CABP2: variants seen among roughly 807,000 people sequenced by gnomAD.
CABP2 encodes the protein calcium-binding protein 2.
Under a neutral mutation model 28.6 loss-of-function variants are expected in CABP2, and 25 were observed. That is an observed-to-expected ratio of 0.87 (90% CI 0.64 to 1.22). The LOEUF (loss-of-function observed/expected upper bound fraction) is 1.22. Ranked by LOEUF, CABP2 falls within the 50% of genes most tolerant of loss-of-function variation. CABP2 has a pLI of 0.00. For synonymous variants in CABP2, 138 were observed against 126.0 expected (o/e 1.09, Z -0.64); for missense variants, 310 against 312.2 (o/e 0.99, Z 0.05).
In CABP2 at chr11:67,519,058, C is replaced by T. The variant is rs556000947; in HGVS notation, c.*81G>A. 1.7e-5 allele frequency: 26 copies of T among 1,504,922 alleles called. No individual in the cohort carries two copies. In the South Asian group the frequency reaches 1.8e-4, roughly 10 times the overall value. 93.2% of individuals were successfully genotyped at this position (1,504,922 alleles called of 1,614,324 possible). A position where few individuals can be genotyped will look rare whatever the true frequency, so the allele number is the denominator to read the frequency against. On this transcript the variant is annotated 3_prime_UTR_variant, in exon 7 of 7. Transcript: ENST00000294288. ...AGGAAAGGAGGGTCCCCGCTAGAGG[C>T]GATGGGCTTCAAGGAACATGCTGGT...
rs1159901207 is a variant in CABP2, at chr11:67,522,054, G to A, written c.214-72C>T. On this transcript the variant is annotated intron_variant, in intron 2 of 6. Transcript: ENST00000294288. ...TGTGCCCTTCCTTCTTGCTTCCCGGGGCTCCCCACCCAGCCCCACAATCCA... is the reference window on the plus strand; with the variant it reads ...TGTGCCCTTCCTTCTTGCTTCCCGGAGCTCCCCACCCAGCCCCACAATCCA... 5.0e-6 allele frequency: 7 copies of A among 1,412,828 alleles called. No individual in the cohort carries two copies. The Admixed American group carries it at 1.3e-4, about 26-fold the overall frequency. 87.5% of individuals were successfully genotyped at this position (1,412,828 alleles called of 1,614,324 possible).
At chr11:67,521,340 A>G (rs1222754323) in intron 3 of CABP2, among the ~76,000 whole-genome samples, 181 bp from the exon 4 acceptor site, 1 of 152,186 alleles carries the variant, frequency 6.6e-6, no homozygotes, top group Non-Finnish European at 1.5e-5. Context: ...TTTGAGGAGC[A>G]TCTACTATGT....
chr11:67,522,693 G>C lies in CABP2; in HGVS notation c.66C>G (p.Ser22=). 1 of 1,515,598 alleles carries C rather than the reference G, an allele frequency of 6.6e-7. No individual in the cohort carries two copies. The highest frequency in any genetic ancestry group is 8.9e-7 in the Non-Finnish European group (1 of 1,127,984). 93.9% of individuals were successfully genotyped at this position (1,515,598 alleles called of 1,614,324 possible). A position where few individuals can be genotyped will look rare whatever the true frequency, so the allele number is the denominator to read the frequency against. The change falls in exon 2 of 7, where the codon TCC becomes TCG. Residue 22 remains serine, a synonymous_variant. Coordinates refer to ENST00000294288, the MANE Select transcript of CABP2 (RefSeq NM_016366.3). ...GGCTGGGGCAGGAGCCCCTTGGTGG[G>C]GAGCCGAGCCACTGCAAGGGGTCCT... The part of the protein sequence containing the change: ...GPKDPLQWLG[S]PPRGSCPSPS...
chr11:67,523,216 C>T (rs1866777123), intron 1 of CABP2, 69 bp downstream of exon 1: 7 of 1,285,122 alleles, frequency 5.4e-6, no homozygotes, highest in Non-Finnish European at 7.7e-6. Flanking sequence ...GAGGGCTCTG[C>T]CCATCCCATC....
intron 3 of CABP2, 82 bp downstream of exon 3, chr11:67,521,870 G>GGGCCC: frequency 1.9e-5 from 9 of 470,088 alleles, no homozygotes; most frequent in Non-Finnish European, 3.1e-5. Flanking sequence ...CCCACCCGAT[G>GGGCCC]CCCCCCCAAC....
rs921879161 is a variant in CABP2, at chr11:67,522,542, A to C, written c.213+4T>G. 4 of 1,553,908 alleles carry C rather than the reference A, an allele frequency of 2.6e-6. No individual in the cohort carries two copies. The highest frequency in any genetic ancestry group is 1.7e-4 in the Middle Eastern group (1 of 5,978). On this transcript the variant is annotated splice_donor_region_variant and intron_variant, in intron 2 of 6. Coordinates refer to ENST00000294288, the MANE Select transcript of CABP2 (RefSeq NM_016366.3). ...CAGGCTGGCGGGCGGGTGGCCGTAC[A>C]TACGAGTTGGGTGGCGGCAATGCTG...
At chr11:67,520,841 C>T (rs555498328) in intron 4 of CABP2, among the ~76,000 whole-genome samples, 184 bp downstream of exon 4, 13 of 152,336 alleles carry the variant, frequency 8.5e-5, no homozygotes, top group Non-Finnish European at 1.8e-4. Flanking sequence ...ACAGTCCTTG[C>T]TGTGCCCACC....
At position 67,519,155 on chromosome 11, in the gene CABP2, C is replaced by G; in HGVS notation, c.647G>C (p.Arg216Pro). ...TGTACAGGCTCACCGAGACATCATT[C>G]GCACAAACTCTGCCAGGACGAAGCC... ...DGLVDFEEFV[R>P]MMSR The change falls in exon 7 of 7, where the codon CGA (arginine) becomes CCA (proline). Residue 216 changes from arginine to proline, a missense_variant. Transcript: ENST00000294288. The G allele has an allele frequency of 1.2e-6, 2 of 1,614,048 alleles. No individual in the cohort carries two copies. Among genetic ancestry groups the G allele is most frequent in the Non-Finnish European group, 1.7e-6 (2 of 1,180,022 alleles).
Position 67,522,535 on chromosome 11 carries a change from G to A in CABP2, c.213+11C>T. The A allele has an allele frequency of 4.5e-6, 7 of 1,553,390 alleles. No homozygotes were observed. Among genetic ancestry groups the A allele is most frequent in the Non-Finnish European group, 5.2e-6 (6 of 1,148,150 alleles). On this transcript the variant is annotated intron_variant, in intron 2 of 6. Transcript: ENST00000294288. ...GGGCAGGCAGGCTGGCGGGCGGGTG[G>A]CCGTACATACGAGTTGGGTGGCGGC...
chr11:67,520,967 A>T, intron 4 of CABP2, 58 bp downstream of exon 4: 1 of 1,580,816 alleles, frequency 6.3e-7, no homozygotes, highest in Non-Finnish European at 8.6e-7. Context: ...GCTTGGCTTC[A>T]TGGGCCCAGC....
chr11:67,521,866 C>CCGG, intron 3 of CABP2, 86 bp downstream of exon 3: 1 of 656,270 alleles, frequency 1.5e-6, no homozygotes, highest in African/African-American at 1.8e-5. Context: ...GGCCCCCACC[C>CCGG]GATGCCCCCC....
chr11:67,519,829 C>T lies in CABP2; in HGVS notation c.601G>A (p.Val201Met), dbSNP rs1176836668. Reference protein sequence around the residue: ...QREVDEILQDVDLNGDGLVDF... With the variant: ...QREVDEILQDMDLNGDGLVDF... ...ACCAGACCGTCCCCATTGAGGTCCA[C>T]GTCCTGGAGGATCTCGTCCACCTCC... The change falls in exon 6 of 7, where the codon GTG becomes ATG. Residue 201 changes from valine to methionine, a missense_variant. Physicochemically the swap from Val to Met is conservative, Grantham distance 21 (BLOSUM62 1). Coordinates refer to ENST00000294288, the MANE Select transcript of CABP2 (RefSeq NM_016366.3). The T allele has an allele frequency of 1.9e-6, 3 of 1,614,084 alleles. No individual in the cohort carries two copies. The highest frequency in any genetic ancestry group is 3.3e-5 in the Admixed American group (2 of 60,018).
At position 67,523,370 on chromosome 11, in the gene CABP2, G is replaced by C. The variant is rs1308227894; in HGVS notation, c.-44C>G. The C allele has an allele frequency of 2.6e-6, 4 of 1,528,412 alleles. No individual in the cohort carries two copies. Among genetic ancestry groups the C allele is most frequent in the Non-Finnish European group, 2.6e-6 (3 of 1,135,122 alleles). 94.7% of individuals were successfully genotyped at this position (1,528,412 alleles called of 1,614,324 possible). A position where few individuals can be genotyped will look rare whatever the true frequency, so the allele number is the denominator to read the frequency against. On this transcript the variant is annotated 5_prime_UTR_variant, in exon 1 of 7. Transcript: ENST00000294288. ...GGCCTGGAACCCCGGGGGTGGCCCGGGTGGGCCTCGGCGGATGCTGCTGCC... is the reference window on the plus strand; with the variant it reads ...GGCCTGGAACCCCGGGGGTGGCCCGCGTGGGCCTCGGCGGATGCTGCTGCC...
At chr11:67,523,042 A>C (rs1370763119) in intron 1 of CABP2, among the ~76,000 whole-genome samples, 1 of 152,208 alleles carries the variant, frequency 6.6e-6, no homozygotes, top group Non-Finnish European at 1.5e-5. Context: ...GGGGACCTGC[A>C]GCCGGGATGG....
In CABP2 at chr11:67,522,632, G is replaced by A. The variant is rs753393128; in HGVS notation, c.127C>T (p.Pro43Ser). The A allele has an allele frequency of 2.5e-5, 39 of 1,548,322 alleles. No individual in the cohort carries two copies. The South Asian group carries it at 3.5e-4, about 14-fold the overall frequency. ...SSPKEQGDPA[P>S]GVQGYSVLNS... ...AGCACCGAGTAGCCCTGGACGCCTG[G>A]CGCGGGGTCCCCCTGCTCCTTGGGG... Residue 43 changes from proline (P) to serine (S), a missense_variant, in exon 2 of 7, where the codon CCA (proline) becomes TCA (serine). Coordinates refer to ENST00000294288, the MANE Select transcript of CABP2 (RefSeq NM_016366.3).
At position 67,522,642 on chromosome 11, in the gene CABP2, C is replaced by T; in HGVS notation, c.117G>A (p.Gly39=). Residue 39 remains glycine (G), a synonymous_variant, in exon 2 of 7, where the codon GGG becomes GGA. Coordinates refer to ENST00000294288, the MANE Select transcript of CABP2 (RefSeq NM_016366.3). ...AGCCCTGGACGCCTGGCGCGGGGTC[C>T]CCCTGCTCCTTGGGGCTGGAGCTGG... is the stretch of plus-strand genomic sequence containing the variant. ...PSPSSSPKEQ[G]DPAPGVQGYS... is the part of the protein sequence containing the mutation. 1.3e-6 allele frequency: 2 copies of T among 1,545,528 alleles called. No individual in the cohort carries two copies. Among genetic ancestry groups the T allele is most frequent in the Middle Eastern group, 1.8e-4 (1 of 5,412 alleles).
intron 6 of CABP2, 135 bp downstream of exon 6, chr11:67,519,658 C>T (rs866659293): frequency 3.6e-6 from 3 of 826,594 alleles, no homozygotes; most frequent in South Asian, 3.4e-5. Flanking sequence ...CTCGGATTCT[C>T]CATGATAATT....
intron 2 of CABP2, 49 bp from the exon 3 acceptor site, chr11:67,522,031 T>C: frequency 6.4e-7 from 1 of 1,572,344 alleles, no homozygotes; most frequent in Non-Finnish European, 8.7e-7. Flanking sequence ...CTGATGACTG[T>C]GCCCTTCCTT....
At position 67,519,906 on chromosome 11, in the gene CABP2, C is replaced by A. The variant is rs752524599; in HGVS notation, c.524G>T (p.Gly175Val). ...GGCCTTGAGGGCCGCCCGGAGCTCGCCCACGCTGATGCGGCCGTCCCCATT... is the reference window on the plus strand; with the variant it reads ...GGCCTTGAGGGCCGCCCGGAGCTCGACCACGCTGATGCGGCCGTCCCCATT... ...DTNGDGRISV[G>V]ELRAALKALL... Residue 175 changes from glycine (G) to valine (V), a missense_variant, in exon 6 of 7, where the codon GGC (glycine) becomes GTC (valine). Transcript: ENST00000294288. The A allele has an allele frequency of 6.2e-7, 1 of 1,611,662 alleles. No individual in the cohort carries two copies. The highest frequency in any genetic ancestry group is 8.5e-7 in the Non-Finnish European group (1 of 1,179,798).
Sources: gnomAD v4.1 joint callset for allele counts (sites outside exome capture counted in the v4.1 genomes callset) on GRCh38, gnomAD v4.1.1 for gene constraint, MANE v1.5 for transcripts, NCBI Gene and HGNC (gene_info 2026-07-23, HGNC 2026-07-21) for gene names.